Variants in CNTNAP2 observed in about 807,000 individuals in gnomAD.
The protein encoded by CNTNAP2 is contactin associated protein 2.
Under a neutral mutation model 155.2 loss-of-function variants are expected in CNTNAP2, and 98 were observed. The observed-to-expected ratio is 0.63, with a 90% CI of 0.54 to 0.75. CNTNAP2 has a LOEUF of 0.75. CNTNAP2 is among the 30% of genes least tolerant of loss of function. The pLI is 0.00. For missense variants in CNTNAP2, 1,727 were observed against 1,688.1 expected (o/e 1.02, Z -0.40); for synonymous variants, 651 against 631.2 (o/e 1.03, Z -0.47).
intron 1 of CNTNAP2, among the ~76,000 whole-genome samples, chr7:146,584,527 C>T (rs1798658111): frequency 6.6e-6 from 1 of 152,150 alleles, no homozygotes; most frequent in African/African-American, 2.4e-5. Flanking sequence ...TGGTGCATTC[C>T]TTTATTTGCT....
intron 21 of CNTNAP2, among the ~76,000 whole-genome samples, chr7:148,269,720 C>G (rs10952742): frequency 6.6e-6 from 1 of 152,000 alleles, no homozygotes; most frequent in South Asian, 2.1e-4. Flanking sequence ...GAAAGTTGAG[C>G]GATGCCATCA....
At chr7:146,937,187 A>G (rs1215295423) in intron 3 of CNTNAP2, among the ~76,000 whole-genome samples, 1 of 151,848 alleles carries the variant, frequency 6.6e-6, no homozygotes, top group Non-Finnish European at 1.5e-5. Context: ...GGAGATTAAG[A>G]CCATCCTGGC....
At chr7:147,151,596 AT>A (rs1318551409) in intron 8 of CNTNAP2, among the ~76,000 whole-genome samples, 1 of 152,130 alleles carries the variant, frequency 6.6e-6, no homozygotes. Context: ...TAGTGTTTCC[AT>A]TCTTCACTTT....
chr7:147,877,421 T>G (rs1799440100), intron 13 of CNTNAP2, among the ~76,000 whole-genome samples: 1 of 152,180 alleles, frequency 6.6e-6, no homozygotes, highest in African/African-American at 2.4e-5. Flanking sequence ...AACACCCACA[T>G]TTAAAAAGTA....
intron 16 of CNTNAP2, among the ~76,000 whole-genome samples, chr7:148,147,186 C>T (rs1805199639): frequency 6.6e-6 from 1 of 152,192 alleles, no homozygotes; most frequent in African/African-American, 2.4e-5. Context: ...CATGCGCTAA[C>T]TTCTCCAGAC....
chr7:148,039,370 CT>C (rs1802627772), intron 15 of CNTNAP2, among the ~76,000 whole-genome samples: 1 of 152,152 alleles, frequency 6.6e-6, no homozygotes, highest in Non-Finnish European at 1.5e-5. Flanking sequence ...TGGATCATGC[CT>C]GCCCACATGA....
chr7:147,570,916 AT>A (rs1176847767), intron 12 of CNTNAP2, among the ~76,000 whole-genome samples: 3 of 152,154 alleles, frequency 2.0e-5, no homozygotes, highest in Non-Finnish European at 4.4e-5. Context: ...TGAAATGAGC[AT>A]TTTTTATTCA....
intron 10 of CNTNAP2, among the ~76,000 whole-genome samples, chr7:147,462,092 G>A (rs1246481430): frequency 7.1e-6 from 1 of 141,618 alleles, no homozygotes; most frequent in Non-Finnish European, 1.5e-5. Context: ...TCGTGACCCA[G>A]AGTTCCTTTT....
At chr7:146,355,444 G>T (rs1794984221) in intron 1 of CNTNAP2, among the ~76,000 whole-genome samples, 1 of 152,144 alleles carries the variant, frequency 6.6e-6, no homozygotes, top group Middle Eastern at 3.2e-3. Flanking sequence ...AAAGTCCCCT[G>T]TGGTCGCAGC....
intron 1 of CNTNAP2, among the ~76,000 whole-genome samples, chr7:146,610,749 T>A (rs1799123491): frequency 6.6e-6 from 1 of 152,168 alleles, no homozygotes; most frequent in South Asian, 2.1e-4. Context: ...AAGTAGTTAT[T>A]CTAGATTTAG....
chr7:147,619,902 C>G (rs1184050701), intron 12 of CNTNAP2, among the ~76,000 whole-genome samples: 2 of 152,180 alleles, frequency 1.3e-5, no homozygotes, highest in South Asian at 2.1e-4. Flanking sequence ...GGCTTTAGAT[C>G]TGACCCAGCA....
intron 3 of CNTNAP2, among the ~76,000 whole-genome samples, chr7:146,944,633 C>T (rs971560801): frequency 5.3e-5 from 8 of 152,130 alleles, no homozygotes; most frequent in Non-Finnish European, 2.9e-5. Flanking sequence ...AATGCCAGCA[C>T]TTTGGGAGGC....
At chr7:147,731,854 C>G (rs1003677436) in intron 13 of CNTNAP2, among the ~76,000 whole-genome samples, 3 of 151,954 alleles carry the variant, frequency 2.0e-5, no homozygotes, top group Non-Finnish European at 4.4e-5. Flanking sequence ...TGATTCCAAC[C>G]CTTATGGATG....
At chr7:147,070,500 C>T (rs1391373995) in intron 4 of CNTNAP2, among the ~76,000 whole-genome samples, 1 of 152,194 alleles carries the variant, frequency 6.6e-6, no homozygotes, top group Non-Finnish European at 1.5e-5. Flanking sequence ...ACAGTCTGAT[C>T]AGAAGTTGGG....
chr7:147,065,479 T>A (rs992525279), intron 4 of CNTNAP2, among the ~76,000 whole-genome samples: 26 of 152,214 alleles, frequency 1.7e-4, no homozygotes, highest in Admixed American at 1.7e-3. Flanking sequence ...CTTTTCCAAC[T>A]CTCATATTTA....
At chr7:147,036,044 G>A (rs1049586978) in intron 3 of CNTNAP2, among the ~76,000 whole-genome samples, 2 of 152,126 alleles carry the variant, frequency 1.3e-5, no homozygotes, top group Non-Finnish European at 2.9e-5. Context: ...TGTCTAACTT[G>A]CAAGAAAGAT....
chr7:147,627,933 GAA>G (rs144354051), intron 12 of CNTNAP2, among the ~76,000 whole-genome samples: 1 of 145,614 alleles, frequency 6.9e-6, no homozygotes, highest in Admixed American at 6.8e-5. Context: ...ACAAAGACAA[GAA>G]AAAAAAAAGA....
intron 1 of CNTNAP2, among the ~76,000 whole-genome samples, chr7:146,342,748 C>T (rs1036245908): frequency 3.3e-5 from 5 of 152,014 alleles, no homozygotes; most frequent in East Asian, 1.9e-4. Flanking sequence ...CTATATTGTC[C>T]CATTTATCTG....
chr7:147,024,380 A>T (rs900675089), intron 3 of CNTNAP2, among the ~76,000 whole-genome samples: 1 of 152,244 alleles, frequency 6.6e-6, no homozygotes, highest in Non-Finnish European at 1.5e-5. Context: ...TAGTTTAGTT[A>T]ATTTTATTGT....
Sources: gnomAD v4.1 joint callset for allele counts (sites outside exome capture counted in the v4.1 genomes callset) on GRCh38, gnomAD v4.1.1 for gene constraint, MANE v1.5 for transcripts, NCBI Gene and HGNC (gene_info 2026-07-23, HGNC 2026-07-21) for gene names.